The following FUT8 variants were observed in gnomAD, a reference collection of about 807,000 sequenced individuals.
FUT8 encodes alpha-(1,6)-fucosyltransferase.
Under a neutral mutation model 71.3 loss-of-function variants are expected in FUT8, and 29 were observed. That is an observed-to-expected ratio of 0.41 (90% CI 0.30 to 0.55). The LOEUF is 0.55. FUT8 is among the 20% of genes least tolerant of loss of function. The probability of loss-of-function intolerance (pLI) is 0.34; values close to 1 mark genes in which losing one functional copy is unlikely to be tolerated. For missense variants in FUT8, 544 were observed against 702.1 expected (o/e 0.77, Z 2.55); for synonymous variants, 254 against 239.3 (o/e 1.06, Z -0.57).
chr14:65,504,062 G>A (rs574625124), intron 2 of FUT8, among the ~76,000 whole-genome samples: 1 of 152,262 alleles, frequency 6.6e-6, no homozygotes, highest in Non-Finnish European at 1.5e-5. Context: ...TTCTGGTGTG[G>A]GACATGCTTT....
chr14:65,723,550 C>T (rs1277142827), intron 8 of FUT8, among the ~76,000 whole-genome samples: 3 of 152,116 alleles, frequency 2.0e-5, no homozygotes, highest in African/African-American at 4.8e-5. Flanking sequence ...GGGCTGGAAT[C>T]GGTTTCATTT....
intron 7 of FUT8, among the ~76,000 whole-genome samples, chr14:65,673,828 T>C (rs1489570393): frequency 6.6e-6 from 1 of 152,226 alleles, no homozygotes; most frequent in Non-Finnish European, 1.5e-5. Context: ...GACAGAGTTA[T>C]AAGAAATTGA....
chr14:65,636,911 G>T (rs1047201898), intron 6 of FUT8, among the ~76,000 whole-genome samples: 5 of 152,176 alleles, frequency 3.3e-5, no homozygotes, highest in African/African-American at 9.7e-5. Flanking sequence ...CTGATTAAAA[G>T]ATTATAATAC....
the FUT8 span, among the ~76,000 whole-genome samples, chr14:65,405,420 C>A: frequency 6.6e-6 from 1 of 152,196 alleles, no homozygotes; most frequent in South Asian, 2.1e-4. Flanking sequence ...TAGTTAGTAT[C>A]TTATAAAAAT....
At chr14:65,656,527 GAATA>G (rs746699817) in intron 6 of FUT8, among the ~76,000 whole-genome samples, 48 of 152,242 alleles carry the variant, frequency 3.2e-4, no homozygotes, top group Non-Finnish European at 5.7e-4. Context: ...TGGATTGGAA[GAATA>G]AATATTGTTA....
chr14:65,723,773 A>G (rs538636467), intron 8 of FUT8, among the ~76,000 whole-genome samples: 1 of 152,344 alleles, frequency 6.6e-6, no homozygotes, highest in African/African-American at 2.4e-5. Flanking sequence ...GAATCCTGGT[A>G]TCATCCTGGT....
chr14:65,665,219 A>G (rs1458729782), intron 6 of FUT8, among the ~76,000 whole-genome samples: 1 of 152,170 alleles, frequency 6.6e-6, no homozygotes, highest in Non-Finnish European at 1.5e-5. Flanking sequence ...ATTTGGTTGT[A>G]ATATATAAAA....
In FUT8 at chr14:65,611,218, C is replaced by T. The variant is rs1220278929; in HGVS notation, c.204-4760C>T. Reference sequence around the variant, plus strand: ...ACACACGCGCGCGCGCGCGCGCGCGCGCGCGCACACACACACACACACACA... The same window carrying T: ...ACACACGCGCGCGCGCGCGCGCGCGTGCGCGCACACACACACACACACACA... On this transcript the variant is annotated intron_variant, in intron 3 of 10. Transcript: ENST00000673929. Among the ~76,000 whole-genome samples, 16 of 7,772 alleles carry T rather than the reference C, an allele frequency of 2.1e-3. 4 individuals are homozygous for T. Among genetic ancestry groups the T allele is most frequent in the South Asian group, 6.3e-3 (1 of 158 alleles). 5.1% of individuals were successfully genotyped at this position (7,772 alleles called of 152,430 possible).
chr14:65,734,956 G>A (rs1896150270), intron 10 of FUT8, among the ~76,000 whole-genome samples: 1 of 152,154 alleles, frequency 6.6e-6, no homozygotes, highest in South Asian at 2.1e-4. Flanking sequence ...ACTTAAAATT[G>A]TGACAACCAA....
intron 3 of FUT8, among the ~76,000 whole-genome samples, chr14:65,606,239 A>T (rs1888581465): frequency 6.9e-6 from 1 of 144,634 alleles, no homozygotes; most frequent in Admixed American, 6.9e-5. Flanking sequence ...ACCCTGGCTA[A>T]TTTTTTTTTT....
At chr14:65,714,193 G>A (rs1322377847) in intron 7 of FUT8, among the ~76,000 whole-genome samples, 5 of 152,020 alleles carry the variant, frequency 3.3e-5, no homozygotes, top group Non-Finnish European at 7.4e-5. Flanking sequence ...GTATAGATTT[G>A]TTTCTGGGCT....
chr14:65,401,817 C>T, the FUT8 span, among the ~76,000 whole-genome samples: 7 of 149,182 alleles, frequency 4.7e-5, no homozygotes, highest in African/African-American at 1.5e-4. Flanking sequence ...CACTTGAACT[C>T]GGGAGACAGA....
At chr14:65,506,212 T>C (rs1371097241) in intron 2 of FUT8, among the ~76,000 whole-genome samples, 1 of 152,238 alleles carries the variant, frequency 6.6e-6, no homozygotes, top group Non-Finnish European at 1.5e-5. Context: ...TTACCTTGAA[T>C]TTTAATTGGT....
At chr14:65,735,528 C>G (rs945166252) in intron 10 of FUT8, among the ~76,000 whole-genome samples, 47 of 152,092 alleles carry the variant, frequency 3.1e-4, no homozygotes, top group African/African-American at 1.0e-3. Flanking sequence ...CAAAGTTTGC[C>G]CAAAATAATT....
chr14:65,708,889 G>A (rs960315866), intron 7 of FUT8, among the ~76,000 whole-genome samples: 5 of 152,088 alleles, frequency 3.3e-5, no homozygotes, highest in Non-Finnish European at 7.4e-5. Flanking sequence ...TGATGAAAGG[G>A]TACAAAGTTT....
At chr14:65,538,533 C>T (rs533517319) in intron 2 of FUT8, among the ~76,000 whole-genome samples, 5 of 152,242 alleles carry the variant, frequency 3.3e-5, no homozygotes, top group African/African-American at 1.2e-4. Context: ...GAGCTGAGGA[C>T]ATGAAGCAGT....
At chr14:65,523,584 TC>T (rs1883233663) in intron 2 of FUT8, among the ~76,000 whole-genome samples, 1 of 152,234 alleles carries the variant, frequency 6.6e-6, no homozygotes, top group Non-Finnish European at 1.5e-5. Flanking sequence ...CTTAATTAGA[TC>T]CCATTTGTCA....
intron 2 of FUT8, among the ~76,000 whole-genome samples, chr14:65,481,123 G>GT (rs753647636): frequency 7.3e-4 from 110 of 151,314 alleles, no homozygotes; most frequent in Middle Eastern, 6.8e-3. Flanking sequence ...TTTTCTGCTG[G>GT]TTTTTTTTTA....
chr14:65,540,126 A>G (rs1057293748), intron 2 of FUT8, among the ~76,000 whole-genome samples: 10 of 152,226 alleles, frequency 6.6e-5, no homozygotes, highest in Admixed American at 1.3e-4. Flanking sequence ...CACCAGCTGT[A>G]TTATATTAAA....
Sources: allele counts gnomAD v4.1 joint callset (sites outside exome capture counted in the v4.1 genomes callset), GRCh38; gene constraint gnomAD v4.1.1; transcripts MANE v1.5; gene names NCBI Gene and HGNC (gene_info 2026-07-23, HGNC 2026-07-21).